Variants in SLC24A1 observed in about 807,000 individuals in gnomAD.
The protein encoded by SLC24A1 is solute carrier family 24 member 1.
A neutral mutation model predicts 88.1 loss-of-function variants in SLC24A1; 52 were observed. The ratio of observed to expected loss-of-function variants is 0.59; its 90% confidence interval spans 0.47 to 0.74. The LOEUF (loss-of-function observed/expected upper bound fraction) is 0.74, where lower values mean the gene tolerates loss of function less well. Among genes scored for constraint, SLC24A1 ranks in the 30% least tolerant of loss-of-function variants. The probability of loss-of-function intolerance (pLI) is 0.00; values close to 1 mark genes in which losing one functional copy is unlikely to be tolerated. For synonymous variants in SLC24A1, 455 were observed against 498.0 expected (o/e 0.91, Z 1.15); for missense variants, 1,173 against 1,363.3 (o/e 0.86, Z 2.20).
At chr15:65,649,103 GTA>G (rs1412180245) in intron 6 of SLC24A1, among the ~76,000 whole-genome samples, 2 of 151,792 alleles carry the variant, frequency 1.3e-5, no homozygotes, top group African/African-American at 2.4e-5. Flanking sequence ...CAGAAAATCT[GTA>G]TTTCTTTTTT....
chr15:65,642,960 C>A, intron 4 of SLC24A1: 1 of 1,280,398 alleles, frequency 7.8e-7, no homozygotes, highest in Non-Finnish European at 1.0e-6. Context: ...CCTTCTAACT[C>A]GGACCCTCTG....
rs768630614 is a variant in SLC24A1 at position 65,624,449 on chromosome 15, A to C, written c.369A>C (p.Pro123=). ...CTAAAAGAACAGCCAAGATGATCCCAACAACAACCAAGAATAATTACAGCC... is the reference window on the plus strand; with the variant it reads ...CTAAAAGAACAGCCAAGATGATCCCCACAACAACCAAGAATAATTACAGCC... ...SMPKRTAKMI[P]TTTKNNYSPT... is the part of the protein sequence containing the mutation. The change falls in exon 2 of 10, where the codon CCA becomes CCC. Residue 123 remains proline (P), a synonymous_variant. Transcript: ENST00000261892. The C allele has an allele frequency of 6.2e-7, 1 of 1,611,394 alleles. No individual in the cohort carries two copies. Among genetic ancestry groups the C allele is most frequent in the African/African-American group, 1.3e-5 (1 of 74,866 alleles).
At position 65,650,440 on chromosome 15, in the gene SLC24A1, C is replaced by T; in HGVS notation, c.2291C>T (p.Ala764Val). The T allele has an allele frequency of 1.3e-6, 2 of 1,551,614 alleles. No individual in the cohort carries two copies. The highest frequency in any genetic ancestry group is 1.7e-6 in the Non-Finnish European group (2 of 1,146,986). Reference sequence around the variant, plus strand: ...ATGCCAGGCGAAGAGGGCGAAACTGCTGGTGAAGGTGAAACTGAAGAGAAA... The same window carrying T: ...ATGCCAGGCGAAGAGGGCGAAACTGTTGGTGAAGGTGAAACTGAAGAGAAA... ...GEMPGEEGET[A>V]GEGETEEKSG... is the part of the protein sequence containing the mutation. The change falls in exon 7 of 10, where the codon GCT (alanine) becomes GTT (valine). Residue 764 changes from alanine to valine, a missense_variant. Transcript: ENST00000261892. The surrounding 1 kb of genome is among the most constrained non-coding windows in gnomAD (Gnocchi z 4.1).
chr15:65,660,401 T>C, downstream of SLC24A1: 1 of 1,060,430 alleles, frequency 9.4e-7, no homozygotes, highest in Non-Finnish European at 1.4e-6. Context: ...CCAGTCCAAG[T>C]GTCGTGGACT....
At chr15:65,641,151 G>A (rs1038897877) in intron 4 of SLC24A1, among the ~76,000 whole-genome samples, 10 of 152,144 alleles carry the variant, frequency 6.6e-5, no homozygotes, top group Admixed American at 6.5e-4. Flanking sequence ...AAGGTGGGCG[G>A]ATCACGAGGT....
At chr15:65,653,568 T>C (rs1232642281) in intron 9 of SLC24A1, among the ~76,000 whole-genome samples, 2 of 151,678 alleles carry the variant, frequency 1.3e-5, no homozygotes, top group Non-Finnish European at 2.9e-5. Context: ...TCATGAAGTA[T>C]GCAGAAAATA....
At chr15:65,660,404 C>A, downstream of SLC24A1, 3 of 1,058,914 alleles carry the variant, frequency 2.8e-6, no homozygotes, top group South Asian at 4.1e-5. Flanking sequence ...GTCCAAGTGT[C>A]GTGGACTCTA....
chr15:65,631,072 A>G (rs951843306), intron 2 of SLC24A1, among the ~76,000 whole-genome samples: 1 of 152,204 alleles, frequency 6.6e-6, no homozygotes, highest in African/African-American at 2.4e-5. Flanking sequence ...CATGAGAAAT[A>G]AACAAATATT....
downstream of SLC24A1, among the ~76,000 whole-genome samples, chr15:65,656,732 CTTCCTTGAA>C (rs2075695537): frequency 6.6e-6 from 1 of 152,218 alleles, no homozygotes; most frequent in South Asian, 2.1e-4. Context: ...TTAGGCTGCA[CTTCCTTGAA>C]GGCCCTGATA....
chr15:65,635,338 G>A (rs1414078155), intron 2 of SLC24A1, among the ~76,000 whole-genome samples: 3 of 150,658 alleles, frequency 2.0e-5, no homozygotes, highest in African/African-American at 7.3e-5. Context: ...AAATTAGCTG[G>A]GCCTGGTGGT....
At chr15:65,652,445 C>T in intron 8 of SLC24A1, 197 bp from the exon 9 acceptor site, 2 of 526,104 alleles carry the variant, frequency 3.8e-6, no homozygotes, top group Non-Finnish European at 6.8e-6. Flanking sequence ...TCCCTGTGGC[C>T]AGGAGCAGGA....
chr15:65,636,860 AAATAATAATAAT>A lies in SLC24A1; in HGVS notation c.1891-1245_1891-1234del, dbSNP rs59545207. Among the ~76,000 whole-genome samples, 14 of 143,324 alleles carry A rather than the reference AAATAATAATAAT, an allele frequency of 9.8e-5. No individual in the cohort carries two copies. In the East Asian group the frequency reaches 1.0e-3, roughly 10 times the overall value. 94.0% of individuals were successfully genotyped at this position (143,324 alleles called of 152,430 possible). On this transcript the variant is annotated intron_variant, in intron 2 of 9. Transcript: ENST00000261892. ...CACTGCACTCCAGCGCTCTGTCTCAAAATAATAATAATAATAATAATAATAATAATAATAGTA... is the reference window on the plus strand; with the variant it reads ...CACTGCACTCCAGCGCTCTGTCTCAAAATAATAATAATAATAATAATAGTA...
chr15:65,656,110 C>T lies in SLC24A1; in HGVS notation c.*2031C>T. ...CTAACCTGGTGTCTGCAGCCCGTTC[C>T]CGTTAGCCTCGGGGATGTCACCTCA... On this transcript the variant is annotated 3_prime_UTR_variant, in exon 10 of 10. Transcript: ENST00000261892. The T allele has an allele frequency of 2.0e-6, 2 of 985,406 alleles. No individual in the cohort carries two copies. Among genetic ancestry groups the T allele is most frequent in the Non-Finnish European group, 2.4e-6 (2 of 829,946 alleles). The allele number at this position is 985,406 out of a possible 1,614,324, so 61.0% of individuals were successfully genotyped here.
chr15:65,649,701 TA>T (rs1269681487), intron 6 of SLC24A1, among the ~76,000 whole-genome samples: 1 of 152,200 alleles, frequency 6.6e-6, no homozygotes, highest in Admixed American at 6.5e-5. Context: ...GCCTGGCACA[TA>T]AAAACCCTCA....
rs2075642888 is a variant in SLC24A1 at position 65,655,270 on chromosome 15, T to C, written c.*1191T>C. On this transcript the variant is annotated 3_prime_UTR_variant, in exon 10 of 10. Coordinates refer to ENST00000261892, the MANE Select transcript of SLC24A1 (RefSeq NM_004727.3). ...CTGGTTTATAAAGTAAGAGATCCAG[T>C]GGGACAATGCTATTTTTGTATGCCA... 1 of 985,608 alleles carries C rather than the reference T, an allele frequency of 1.0e-6. No individual in the cohort carries two copies. The highest frequency in any genetic ancestry group is 1.2e-6 in the Non-Finnish European group (1 of 830,050). 61.1% of individuals were successfully genotyped at this position (985,608 alleles called of 1,614,324 possible).
At position 65,639,342 on chromosome 15, in the gene SLC24A1, G is replaced by T. The variant is rs185354841; in HGVS notation, c.1945-253G>T. 2.0e-5 allele frequency among the ~76,000 whole-genome samples: 3 copies of T among 152,206 alleles called. No homozygotes were observed. The East Asian group carries it at 5.8e-4, about 29-fold the overall frequency. ...TAACGTGATATTCCTAATACACCAG[G>T]TTGCTCCCTGTGGAGACGTTGGGAA... On this transcript the variant is annotated intron_variant, in intron 3 of 9. Coordinates refer to ENST00000261892, the MANE Select transcript of SLC24A1 (RefSeq NM_004727.3).
chr15:65,631,550 G>A (rs1458995415), intron 2 of SLC24A1, among the ~76,000 whole-genome samples: 1 of 152,112 alleles, frequency 6.6e-6, no homozygotes, highest in Non-Finnish European at 1.5e-5. Context: ...CATAGCCAGT[G>A]ACAAGAATTC....
chr15:65,635,656 C>A (rs2074908639), intron 2 of SLC24A1, among the ~76,000 whole-genome samples: 1 of 152,084 alleles, frequency 6.6e-6, no homozygotes, highest in African/African-American at 2.4e-5. Flanking sequence ...TATTTATACT[C>A]TGTTTCATTC....
intron 2 of SLC24A1, among the ~76,000 whole-genome samples, chr15:65,613,612 G>A (rs927953118): frequency 6.6e-6 from 1 of 151,950 alleles, no homozygotes; most frequent in East Asian, 1.9e-4. Flanking sequence ...AACCTCCCAC[G>A]TAGCTGGGAC....
Sources: allele counts gnomAD v4.1 joint callset (sites outside exome capture counted in the v4.1 genomes callset), GRCh38; gene constraint gnomAD v4.1.1; non-coding constraint Gnocchi (gnomAD v3.1); transcripts MANE v1.5; gene names NCBI Gene and HGNC (gene_info 2026-07-23, HGNC 2026-07-21).